Variants in ADAMTSL5 observed in about 807,000 individuals in gnomAD.
ADAMTSL5 encodes the protein ADAMTS like 5, also known as ADAMTS-like protein 5.
Under a neutral mutation model 51.7 loss-of-function variants are expected in ADAMTSL5, and 53 were observed. The observed-to-expected ratio is 1.03, with a 90% CI of 0.82 to 1.29. The LOEUF (loss-of-function observed/expected upper bound fraction) is 1.29. ADAMTSL5 is among the 50% of genes most tolerant of loss of function. The pLI is 0.00. For missense variants in ADAMTSL5, 770 were observed against 676.2 expected, an observed-to-expected ratio of 1.14 and a Z score of -1.54; for synonymous variants, 285 against 278.7, an observed-to-expected ratio of 1.02 and a Z score of -0.23.
intron 9 of ADAMTSL5, 23 bp downstream of exon 9, chr19:1,507,219 C>G (rs370385684): frequency 6.6e-7 from 1 of 1,525,380 alleles, no homozygotes; most frequent in African/African-American, 1.4e-5. Context: ...CCCCCTCTGA[C>G]CCTGTTGGAG....
At chr19:1,512,814 C>G (rs1284178562) in intron 1 of ADAMTSL5, 149 bp downstream of exon 1, 4 of 133,348 alleles carry the variant, frequency 3.0e-5, no homozygotes, top group Non-Finnish European at 7.0e-5. Flanking sequence ...ACCACCCTAC[C>G]CCCTCCTCAA....
At chr19:1,507,749 T>C (rs867346074) in intron 7 of ADAMTSL5, 106 bp from the exon 8 acceptor site, 2 of 1,216,290 alleles carry the variant, frequency 1.6e-6, no homozygotes, top group Middle Eastern at 1.9e-4. Flanking sequence ...GCCAGGGTCC[T>C]GGGAACCGGA....
chr19:1,506,620 G>A lies in ADAMTSL5; in HGVS notation c.1084C>T (p.Arg362Ter), dbSNP rs199693626. 1.0e-4 allele frequency: 168 copies of A among 1,612,050 alleles called. No individual in the cohort carries two copies. Among genetic ancestry groups the A allele is most frequent in the South Asian group, 1.5e-4 (14 of 90,472 alleles). ...TCACTGCCGCAATAGTGGAGTAGTC[G>A]GTGGGCGCGGCCGCGGGTGTCAGGG... ...PCPDTRGRAHRLLHYCGSDFV... is the reference protein window; with the variant it reads ...PCPDTRGRAH Residue 362 changes from arginine to a stop codon, truncating the protein, a stop_gained, in exon 11 of 12, where the codon CGA becomes TGA. Transcript: ENST00000330475. LOFTEE classifies it high-confidence loss of function. The surrounding 1 kb of genome is among the most constrained non-coding windows in gnomAD (Gnocchi z 5.6).
At position 1,506,061 on chromosome 19, in the gene ADAMTSL5, G is replaced by A. The variant is rs756337475; in HGVS notation, c.1370C>T (p.Ala457Val). The change falls in exon 12 of 12, where the codon GCG becomes GTG. Residue 457 changes from alanine to valine, a missense_variant. Physicochemically the swap from Ala to Val is moderately conservative, Grantham distance 64. Transcript: ENST00000330475. The surrounding 1 kb of genome is among the most constrained non-coding windows in gnomAD (Gnocchi z 5.6). The stretch of plus-strand genomic sequence containing the variant: ...AGTCAGGCGTATGCGGCTGTCCTCC[G>A]CAGGGCTCCAGGGCCGGGCGTAGCC... ...HAGYARPWSPAEDSRIRLTAR... is the reference protein window; with the variant it reads ...HAGYARPWSPVEDSRIRLTAR... 2.0e-5 allele frequency: 32 copies of A among 1,593,034 alleles called. 1 individual carries two copies. The highest frequency in any genetic ancestry group is 1.0e-4 in the South Asian group (9 of 89,090).
Position 1,510,374 on chromosome 19 carries a change from C to A in ADAMTSL5, c.246G>T (p.Gln82His), listed in dbSNP as rs778909579. The change falls in exon 4 of 12, where the codon CAG becomes CAT. Residue 82 changes from glutamine (Q) to histidine (H), a missense_variant. By Grantham distance (24) the Gln-to-His change is conservative (BLOSUM62 0). Coordinates refer to ENST00000330475, the MANE Select transcript of ADAMTSL5 (RefSeq NM_213604.3). ...WGDSHEYRLC[Q>H]LPDCPPGAVP... ...GGAGGTGGGCAGGGCTTACTGGCAA[C>A]TGGCAGAGGCGGTACTCATGGGAGT... 4 of 1,613,614 alleles carry A rather than the reference C, an allele frequency of 2.5e-6. No individual in the cohort carries two copies. The highest frequency in any genetic ancestry group is 3.4e-6 in the Non-Finnish European group (4 of 1,179,914).
rs1568241162 is a variant in ADAMTSL5, at chr19:1,506,863, G to T, written c.918C>A (p.Ser306Arg). Residue 306 changes from serine (S) to arginine (R), a missense_variant, in exon 10 of 12, where the codon AGC becomes AGA. Ser to Arg is a moderately radical substitution (Grantham distance 110). Coordinates refer to ENST00000330475, the MANE Select transcript of ADAMTSL5 (RefSeq NM_213604.3). The surrounding 1 kb of genome is among the most constrained non-coding windows in gnomAD (Gnocchi z 5.6). ...FEFWLPRERYSPFQARVQALG... is the reference protein window; with the variant it reads ...FEFWLPRERYRPFQARVQALG... Reference sequence around the variant, plus strand: ...GGGCCTGCACACGAGCCTGGAAGGGGCTGTAGCGCTCCCGAGGGAGCCAGA... The same window carrying T: ...GGGCCTGCACACGAGCCTGGAAGGGTCTGTAGCGCTCCCGAGGGAGCCAGA... 1 of 1,548,194 alleles carries T rather than the reference G, an allele frequency of 6.5e-7. No homozygotes were observed. The highest frequency in any genetic ancestry group is 8.7e-7 in the Non-Finnish European group (1 of 1,146,002).
chr19:1,510,459 C>A, intron 3 of ADAMTSL5, 31 bp from the exon 4 acceptor site: 2 of 1,582,336 alleles, frequency 1.3e-6, no homozygotes, highest in East Asian at 4.6e-5. Context: ...GCGAGAACCC[C>A]CAGGGACCCC....
intron 6 of ADAMTSL5, 24 bp from the exon 7 acceptor site, chr19:1,508,133 G>A (rs369180203): frequency 5.0e-6 from 8 of 1,591,028 alleles, no homozygotes; most frequent in Non-Finnish European, 6.8e-6. Context: ...GACAGGCGCG[G>A]CGTCACTGAC....
rs779069419 is a variant in ADAMTSL5, at chr19:1,508,044, G to A, written c.555C>T (p.Gly185=). 9.9e-6 allele frequency: 16 copies of A among 1,609,336 alleles called. No individual in the cohort carries two copies. The highest frequency in any genetic ancestry group is 8.8e-5 in the South Asian group (8 of 90,446). The change falls in exon 7 of 12, where the codon GGC becomes GGT. Residue 185 remains glycine, a synonymous_variant. Coordinates refer to ENST00000330475, the MANE Select transcript of ADAMTSL5 (RefSeq NM_213604.3). ...ALEDRCGRCG[G]ANDSCLFVQR... ...GCACGAAAAGGCACGAGTCGTTGGC[G>A]CCTCCGCAGCGGCCACAGCGGTCCT...
intron 6 of ADAMTSL5, 99 bp downstream of exon 6, chr19:1,508,344 G>A: frequency 1.5e-6 from 2 of 1,370,582 alleles, no homozygotes; most frequent in Non-Finnish European, 9.6e-7. Flanking sequence ...CTAGGGAGGG[G>A]GTGGAGGCTA....
Position 1,508,468 on chromosome 19 carries a change from C to T in ADAMTSL5, c.464G>A (p.Gly155Glu), listed in dbSNP as rs776473411. 2.5e-6 allele frequency: 4 copies of T among 1,576,352 alleles called. No individual in the cohort carries two copies. The highest frequency in any genetic ancestry group is 1.8e-5 in the Admixed American group (1 of 57,010). Residue 155 changes from glycine to glutamate, a missense_variant, in exon 6 of 12, where the codon GGG (glycine) becomes GAG (glutamate). Transcript: ENST00000330475. ...AAGGCAGCGGCCAGCCACGCAGACCCCCTGGGCACCCGGGCTGCAGGCGGT... is the reference window on the plus strand; with the variant it reads ...AAGGCAGCGGCCAGCCACGCAGACCTCCTGGGCACCCGGGCTGCAGGCGGT... ...DGTACSPGAQ[G>E]VCVAGRCLSA...
At chr19:1,512,216 C>G (rs1472974110) in intron 1 of ADAMTSL5, among the ~76,000 whole-genome samples, 1 of 152,194 alleles carries the variant, frequency 6.6e-6, no homozygotes, top group South Asian at 2.1e-4. Context: ...CCACCTGGAC[C>G]CTGTTTCCCT....
At position 1,507,232 on chromosome 19, in the gene ADAMTSL5, C is replaced by T. The variant is rs761604132; in HGVS notation, c.852+10G>A. 2 of 1,527,946 alleles carry T rather than the reference C, an allele frequency of 1.3e-6. No individual in the cohort carries two copies. The highest frequency in any genetic ancestry group is 1.8e-6 in the Non-Finnish European group (2 of 1,139,358). 94.6% of individuals were successfully genotyped at this position (1,527,946 alleles called of 1,614,324 possible). A position where few individuals can be genotyped will look rare whatever the true frequency, so the allele number is the denominator to read the frequency against. On this transcript the variant is annotated intron_variant, in intron 9 of 11. Transcript: ENST00000330475. The stretch of plus-strand genomic sequence containing the variant: ...GACCCCCTCTGACCCTGTTGGAGGC[C>T]CAGTGGCACCTGTAGGAGCAGGTCA...
chr19:1,506,087 G>A lies in ADAMTSL5; in HGVS notation c.1344C>T (p.Ala448=), dbSNP rs186786015. Residue 448 remains alanine (A), a synonymous_variant, in exon 12 of 12, where the codon GCC becomes GCT. Coordinates refer to ENST00000330475, the MANE Select transcript of ADAMTSL5 (RefSeq NM_213604.3). This position sits in a 1 kb window ranked among gnomAD's most constrained non-coding sequence, Gnocchi z 5.6. ...CAGGGCTCCAGGGCCGGGCGTAGCC[G>A]GCGTGGGGCAGCAGCAGCTGGTCCT... ...GTQDQLLLPH[A]GYARPWSPAE... is the part of the protein sequence containing the mutation. The A allele has an allele frequency of 1.6e-4, 262 of 1,602,006 alleles. 1 individual carries two copies. Among genetic ancestry groups the A allele is most frequent in the Middle Eastern group, 1.5e-3 (9 of 5,890 alleles).
chr19:1,509,093 C>G (rs1421163725), intron 5 of ADAMTSL5: 1 of 151,564 alleles, frequency 6.6e-6, no homozygotes, highest in African/African-American at 2.4e-5. Context: ...ACCAAAAATA[C>G]AACAATAAAA....
rs758590516 is a variant in ADAMTSL5 at position 1,510,131 on chromosome 19, AG to A, written c.361+18del. The A allele has an allele frequency of 4.4e-6, 7 of 1,587,364 alleles. No individual in the cohort carries two copies. Among genetic ancestry groups the A allele is most frequent in the Non-Finnish European group, 4.3e-6 (5 of 1,162,594 alleles). The stretch of plus-strand genomic sequence containing the variant: ...TTCGCTCTGGACCAATTCTGACCAC[AG>A]GAGACCAGACTACTCACCCCCATGG... On this transcript the variant is annotated intron_variant, in intron 5 of 11. Transcript: ENST00000330475.
At chr19:1,507,483 C>G (rs1045122131) in intron 8 of ADAMTSL5, 74 bp downstream of exon 8, 4 of 1,611,168 alleles carry the variant, frequency 2.5e-6, no homozygotes, top group Non-Finnish European at 3.4e-6. Flanking sequence ...AGGCCTCAGT[C>G]TCCCCATCTG....
chr19:1,507,159 C>A (rs1912979458), intron 9 of ADAMTSL5, 83 bp downstream of exon 9: 1 of 1,495,582 alleles, frequency 6.7e-7, no homozygotes, highest in Non-Finnish European at 8.9e-7. Flanking sequence ...GCCCCAGTCA[C>A]CTCCACTCCT....
Position 1,506,943 on chromosome 19 carries a change from G to A in ADAMTSL5, c.853-15C>T, listed in dbSNP as rs750438000. 4.5e-6 allele frequency: 7 copies of A among 1,538,562 alleles called. No individual in the cohort carries two copies. The South Asian group carries it at 6.0e-5, about 13-fold the overall frequency. The stretch of plus-strand genomic sequence containing the variant: ...TGCAGGAGGACCTGGAGCAGGGGAG[G>A]GGACACAGGGAGCTTCACAGGAGGC... On this transcript the variant is annotated splice_polypyrimidine_tract_variant and intron_variant, in intron 9 of 11. Coordinates refer to ENST00000330475, the MANE Select transcript of ADAMTSL5 (RefSeq NM_213604.3). This position sits in a 1 kb window ranked among gnomAD's most constrained non-coding sequence, Gnocchi z 5.6.
Sources: gnomAD v4.1 joint callset for allele counts (sites outside exome capture counted in the v4.1 genomes callset) on GRCh38, gnomAD v4.1.1 for gene constraint, Gnocchi (gnomAD v3.1) non-coding constraint, MANE v1.5 for transcripts, NCBI Gene and HGNC (gene_info 2026-07-23, HGNC 2026-07-21) for gene names.